Variants in NRK observed in about 807,000 individuals in gnomAD.
The protein encoded by NRK is Nik related kinase.
A neutral mutation model predicts 125.2 loss-of-function variants in NRK; 67 were observed. That is an observed-to-expected ratio of 0.54 (90% CI 0.44 to 0.66). NRK has a LOEUF of 0.66. Among genes scored for constraint, NRK ranks in the 30% least tolerant of loss-of-function variants. NRK has a pLI of 0.00. For missense variants in NRK, 1,224 were observed against 1,192.9 expected, an observed-to-expected ratio of 1.03 and a Z score of -0.38; for synonymous variants, 458 against 429.0, an observed-to-expected ratio of 1.07 and a Z score of -0.84.
intron 16 of NRK, among the ~76,000 whole-genome samples, chrX:105,919,579 G>A (rs1025946693): frequency 8.9e-6 from 1 of 111,794 alleles, no homozygotes; most frequent in African/African-American, 3.2e-5. Flanking sequence ...GGACAGTTCA[G>A]ATACAGAAGA....
intron 2 of NRK, among the ~76,000 whole-genome samples, chrX:105,857,753 C>T (rs898004119): frequency 3.6e-5 from 4 of 111,763 alleles, no homozygotes; most frequent in Admixed American, 9.5e-5. Context: ...TTTGCAGACA[C>T]GTGGGCACAT....
At chrX:105,860,234 T>C (rs1427628279) in intron 2 of NRK, among the ~76,000 whole-genome samples, 1 of 111,363 alleles carries the variant, frequency 9.0e-6, no homozygotes, top group Non-Finnish European at 1.9e-5. Flanking sequence ...TTTTTTACCA[T>C]ACCAGAGCTT....
At chrX:105,905,712 C>T (rs192861784) in intron 10 of NRK, among the ~76,000 whole-genome samples, 236 of 112,407 alleles carry the variant, frequency 2.1e-3, no homozygotes, top group Admixed American at 3.4e-3. Flanking sequence ...ACCAAACACA[C>T]ACAGACCTAG....
chrX:105,871,934 A>G (rs907058238), intron 2 of NRK, among the ~76,000 whole-genome samples: 2 of 111,603 alleles, frequency 1.8e-5, no homozygotes, highest in Non-Finnish European at 3.8e-5. Context: ...TTCCTCCCCC[A>G]TTAACATGCA....
chrX:105,937,529 C>T lies in NRK; in HGVS notation c.3746C>T (p.Pro1249Leu). 3.3e-6 allele frequency: 4 copies of T among 1,201,443 alleles called. No homozygotes were observed. In the South Asian group the frequency reaches 7.2e-5, roughly 22 times the overall value. ...ADITKLIRRR[P>L]FRQIQVLEPL... ...ATTACTAAACTTATAAGGCGAAGAC[C>T]ATTCCGCCAGATTCAAGTCTTAGAG... Residue 1249 changes from proline (P) to leucine (L), a missense_variant, in exon 22 of 29, where the codon CCA becomes CTA. Pro to Leu is a moderately conservative substitution (Grantham distance 98, BLOSUM62 -3). Transcript: ENST00000243300.
chrX:105,924,389 A>G (rs2040495116), intron 18 of NRK, among the ~76,000 whole-genome samples: 1 of 111,782 alleles, frequency 8.9e-6, no homozygotes, highest in Non-Finnish European at 1.9e-5. Flanking sequence ...ATTTAAGAAA[A>G]AAACTACATA....
chrX:105,946,224 C>A, intron 25 of NRK, 91 bp from the exon 26 acceptor site: 1 of 877,446 alleles, frequency 1.1e-6, no homozygotes. Context: ...GTTTTGTACA[C>A]TTATAAACCT....
At chrX:105,869,849 G>A (rs1478284123) in intron 2 of NRK, among the ~76,000 whole-genome samples, 2 of 112,288 alleles carry the variant, frequency 1.8e-5, no homozygotes, top group African/African-American at 6.5e-5. Flanking sequence ...ACATCTGTCT[G>A]AGCAGATGGA....
intron 2 of NRK, among the ~76,000 whole-genome samples, chrX:105,879,507 A>T: frequency 9.0e-6 from 1 of 111,252 alleles, no homozygotes; most frequent in Non-Finnish European, 1.9e-5. Flanking sequence ...TTATACTTGC[A>T]TTTAGGGTAA....
intron 17 of NRK, 73 bp from the exon 18 acceptor site, chrX:105,923,045 A>G (rs1044518975): frequency 2.0e-6 from 2 of 981,029 alleles, no homozygotes; most frequent in African/African-American, 3.9e-5. Flanking sequence ...AAATGTTGTC[A>G]GCTTGGAAAC....
Position 105,915,742 on chromosome X carries a change from TCTC to T in NRK, c.2365_2367del (p.Pro789del). ...TTGTGTCTTTAAGGTTCAAGAGAGA[TCTC>T]CTTCTGTGCCTAACAACCAGGATCA... On this transcript the variant is annotated inframe_deletion, in exon 15 of 29. Transcript: ENST00000243300. 2.6e-6 allele frequency: 3 copies of T among 1,146,676 alleles called. No individual in the cohort carries two copies. In the South Asian group the frequency reaches 5.5e-5, roughly 21 times the overall value. The allele number at this position is 1,146,676 out of a possible 1,213,427, so 94.5% of individuals were successfully genotyped here.
chrX:105,909,633 C>G lies in NRK; in HGVS notation c.1992C>G (p.Thr664=), dbSNP rs371793705. ...NNSKPLGPLQ[T]LMENLSSNRF... ...CAAAGCCACTTGGTCCGTTGCAAAC[C>G]CTGATGGAAAATCTGTCATCAAATA... is the stretch of plus-strand genomic sequence containing the variant. Residue 664 remains threonine, a synonymous_variant, in exon 13 of 29, where the codon ACC becomes ACG. Coordinates refer to ENST00000243300, the MANE Select transcript of NRK (RefSeq NM_198465.4). The G allele has an allele frequency of 8.3e-7, 1 of 1,201,905 alleles. No homozygotes were observed.
chrX:105,856,120 C>T (rs976052624), intron 2 of NRK, among the ~76,000 whole-genome samples: 5 of 111,501 alleles, frequency 4.5e-5, no homozygotes, highest in Admixed American at 9.6e-5. Flanking sequence ...TATTTAGTTA[C>T]ATTAACAGTT....
At chrX:105,905,775 CCTT>C (rs1436641157) in intron 10 of NRK, among the ~76,000 whole-genome samples, 1 of 112,227 alleles carries the variant, frequency 8.9e-6, no homozygotes, top group East Asian at 2.8e-4. Context: ...ACTTGGGAAT[CCTT>C]CTCTCTGAAG....
intron 5 of NRK, among the ~76,000 whole-genome samples, chrX:105,889,436 A>T (rs2039988789): frequency 1.8e-5 from 2 of 111,571 alleles, no homozygotes; most frequent in Admixed American, 9.5e-5. Flanking sequence ...TGGACCTGCC[A>T]TTCAGGGTTC....
intron 27 of NRK, among the ~76,000 whole-genome samples, chrX:105,949,981 A>G (rs1326829258): frequency 1.8e-5 from 2 of 111,879 alleles, no homozygotes; most frequent in Admixed American, 1.9e-4. Context: ...TGTATAACTG[A>G]AATGAGAGCT....
At chrX:105,938,536 A>G (rs2040694649) in intron 22 of NRK, among the ~76,000 whole-genome samples, 2 of 111,300 alleles carry the variant, frequency 1.8e-5, no homozygotes, top group South Asian at 3.8e-4. Context: ...TTTTTTGAAA[A>G]CATCTGGGTG....
intron 2 of NRK, among the ~76,000 whole-genome samples, chrX:105,877,911 A>C (rs971298319): frequency 9.0e-6 from 1 of 111,217 alleles, no homozygotes; most frequent in African/African-American, 3.3e-5. Context: ...TGTCTCACTA[A>C]TATGTCATAA....
At chrX:105,885,475 T>A (rs2039932195) in intron 4 of NRK, among the ~76,000 whole-genome samples, 1 of 112,841 alleles carries the variant, frequency 8.9e-6, no homozygotes, top group African/African-American at 3.2e-5. Context: ...TAAGTTGTCT[T>A]TTTGTAAGTT....
Sources: allele counts gnomAD v4.1 joint callset (sites outside exome capture counted in the v4.1 genomes callset), GRCh38; gene constraint gnomAD v4.1.1; transcripts MANE v1.5; gene names NCBI Gene and HGNC (gene_info 2026-07-23, HGNC 2026-07-21).